Variants in MYO18B observed in about 807,000 individuals in gnomAD.
MYO18B encodes myosin XVIIIB, also known as unconventional myosin-XVIIIb.
Under a neutral mutation model 273.0 loss-of-function variants are expected in MYO18B, and 204 were observed. The observed-to-expected ratio is 0.75, with a 90% CI of 0.67 to 0.84. MYO18B has a LOEUF of 0.84. Ranked by LOEUF, MYO18B falls within the 40% of genes least tolerant of loss-of-function variation. MYO18B has a pLI of 0.00. For missense variants in MYO18B, 3,212 were observed against 3,287.6 expected, an observed-to-expected ratio of 0.98 and a Z score of 0.56; for synonymous variants, 1,330 against 1,305.7, an observed-to-expected ratio of 1.02 and a Z score of -0.40.
intron 42 of MYO18B, among the ~76,000 whole-genome samples, chr22:26,019,001 T>C (rs1935595286): frequency 6.6e-6 from 1 of 152,210 alleles, no homozygotes; most frequent in Non-Finnish European, 1.5e-5. Flanking sequence ...CAGTATTGAC[T>C]GCTGTCTCCC....
chr22:25,800,636 GAA>G (rs1259634956), intron 12 of MYO18B, among the ~76,000 whole-genome samples: 2 of 152,354 alleles, frequency 1.3e-5, no homozygotes, highest in East Asian at 3.9e-4. Flanking sequence ...AGACTCTGAG[GAA>G]TATGCCTCCT....
At chr22:25,909,315 A>G (rs1387710420) in intron 32 of MYO18B, among the ~76,000 whole-genome samples, 1 of 152,218 alleles carries the variant, frequency 6.6e-6, no homozygotes, top group African/African-American at 2.4e-5. Context: ...TGTACAGAAT[A>G]CACTCAATTT....
intron 14 of MYO18B, among the ~76,000 whole-genome samples, chr22:25,828,174 A>G (rs1201367732): frequency 1.3e-5 from 2 of 152,156 alleles, no homozygotes; most frequent in Non-Finnish European, 2.9e-5. Flanking sequence ...GCTAGTCACC[A>G]TCATTAACTG....
At chr22:26,039,906 C>T in the MYO18B span, among the ~76,000 whole-genome samples, 1 of 152,150 alleles carries the variant, frequency 6.6e-6, no homozygotes, top group African/African-American at 2.4e-5. Flanking sequence ...CTCATTGCAG[C>T]CTCGACCTCC....
chr22:25,935,192 A>G (rs751627483), intron 34 of MYO18B, among the ~76,000 whole-genome samples: 23 of 152,182 alleles, frequency 1.5e-4, no homozygotes, highest in Non-Finnish European at 2.9e-4. Flanking sequence ...AGGGCACAAA[A>G]CATCCTACTT....
chr22:25,861,794 T>A (rs5996991), intron 21 of MYO18B, among the ~76,000 whole-genome samples: 31,435 of 152,094 alleles, frequency 0.21, 4,080 homozygotes, highest in African/African-American at 0.37. Context: ...TGTTCTACGG[T>A]TTACAATATG....
At chr22:25,997,772 T>C (rs1933448811) in intron 40 of MYO18B, among the ~76,000 whole-genome samples, 3 of 152,004 alleles carry the variant, frequency 2.0e-5, no homozygotes, top group African/African-American at 4.8e-5. Flanking sequence ...GGCCCCAGTC[T>C]ATAGTCTCCA....
chr22:25,929,886 T>G (rs2092473147), intron 34 of MYO18B, among the ~76,000 whole-genome samples: 1 of 152,146 alleles, frequency 6.6e-6, no homozygotes, highest in Non-Finnish European at 1.5e-5. Context: ...ATTTTAAAAT[T>G]TAAACGCAAA....
chr22:25,771,420 A>G (rs1013342569), intron 6 of MYO18B, among the ~76,000 whole-genome samples: 11 of 152,324 alleles, frequency 7.2e-5, no homozygotes, highest in Admixed American at 3.3e-4. Context: ...CTAATGGCCT[A>G]TATTTTGGCA....
At chr22:25,937,229 T>G (rs2092590016) in intron 34 of MYO18B, among the ~76,000 whole-genome samples, 1 of 151,376 alleles carries the variant, frequency 6.6e-6, no homozygotes, top group Non-Finnish European at 1.5e-5. Flanking sequence ...GATTAATGGG[T>G]GTGCACCACC....
intron 12 of MYO18B, among the ~76,000 whole-genome samples, chr22:25,814,304 T>C (rs867203643): frequency 5.6e-4 from 9 of 16,072 alleles, no homozygotes; most frequent in Non-Finnish European, 7.8e-4. Context: ...CTTTTTTTTT[T>C]TTTTTTTTTT....
At chr22:25,854,017 A>G (rs1005590761) in intron 21 of MYO18B, among the ~76,000 whole-genome samples, 4 of 152,202 alleles carry the variant, frequency 2.6e-5, no homozygotes, top group African/African-American at 9.7e-5. Flanking sequence ...TTCTGTGTGC[A>G]AAGCAGTTAA....
At chr22:25,944,062 C>T (rs1035829334) in intron 34 of MYO18B, among the ~76,000 whole-genome samples, 1 of 152,126 alleles carries the variant, frequency 6.6e-6, no homozygotes, top group Non-Finnish European at 1.5e-5. Context: ...AGTGCTTCTC[C>T]TTCATGAGTC....
the MYO18B span, among the ~76,000 whole-genome samples, chr22:26,056,499 A>G: frequency 6.6e-6 from 1 of 152,180 alleles, no homozygotes; most frequent in South Asian, 2.1e-4. Context: ...GATGGTTTCA[A>G]GTTCTTCATT....
intron 25 of MYO18B, among the ~76,000 whole-genome samples, chr22:25,881,561 G>A (rs1295594897): frequency 6.6e-6 from 1 of 152,216 alleles, no homozygotes; most frequent in East Asian, 1.9e-4. Flanking sequence ...GACATTTGAA[G>A]CAGTCATTAA....
At chr22:26,048,327 A>G in the MYO18B span, among the ~76,000 whole-genome samples, 73 of 152,342 alleles carry the variant, frequency 4.8e-4, no homozygotes, top group Non-Finnish European at 6.5e-4. Context: ...ACTCTAGACC[A>G]ATGTGATAAA....
the MYO18B span, among the ~76,000 whole-genome samples, chr22:26,040,650 A>C: frequency 2.6e-5 from 4 of 152,208 alleles, no homozygotes; most frequent in Admixed American, 2.6e-4. Flanking sequence ...TTAAGTAAAG[A>C]TCTGAAGAAA....
intron 39 of MYO18B, among the ~76,000 whole-genome samples, chr22:25,986,578 A>T (rs537229972): frequency 3.3e-5 from 5 of 152,378 alleles, no homozygotes; most frequent in Admixed American, 6.5e-5. Flanking sequence ...GTATCTAAAT[A>T]TATTCACTTA....
intron 25 of MYO18B, among the ~76,000 whole-genome samples, chr22:25,881,791 A>G (rs2091343778): frequency 6.6e-6 from 1 of 152,226 alleles, no homozygotes; most frequent in African/African-American, 2.4e-5. Context: ...TCATGGTTAC[A>G]ACAAGATGTA....
Sources: allele counts gnomAD v4.1 joint callset (sites outside exome capture counted in the v4.1 genomes callset), GRCh38; gene constraint gnomAD v4.1.1; transcripts MANE v1.5; gene names NCBI Gene and HGNC (gene_info 2026-07-23, HGNC 2026-07-21).